TCFL5: variants seen among roughly 807,000 people sequenced by gnomAD.
TCFL5 encodes transcription factor-like 5 protein.
A neutral mutation model predicts 44.3 loss-of-function variants in TCFL5; 9 were observed. The ratio of observed to expected loss-of-function variants is 0.20; its 90% CI spans 0.12 to 0.35. The LOEUF is 0.35. Among genes scored for constraint, TCFL5 ranks in the 10% least tolerant of loss-of-function variants. The pLI is 1.00. For synonymous variants in TCFL5, 319 were observed against 271.6 expected (o/e 1.17, Z -1.72); for missense variants, 603 against 613.4 (o/e 0.98, Z 0.18).
chr20:62,856,994 A>C (rs754628736), intron 4 of TCFL5, among the ~76,000 whole-genome samples: 1 of 152,154 alleles, frequency 6.6e-6, no homozygotes, highest in African/African-American at 2.4e-5. Context: ...GTCTCTAGCG[A>C]GCTTTCCTGG....
At chr20:62,847,078 G>A (rs1199383991) in intron 5 of TCFL5, among the ~76,000 whole-genome samples, 2 of 151,896 alleles carry the variant, frequency 1.3e-5, no homozygotes, top group African/African-American at 2.4e-5. Flanking sequence ...AGCTACTCAG[G>A]AGGCTGAGGC....
intron 4 of TCFL5, among the ~76,000 whole-genome samples, 162 bp downstream of exon 4, chr20:62,857,233 T>C (rs1010194428): frequency 1.3e-5 from 2 of 152,176 alleles, no homozygotes; most frequent in Non-Finnish European, 2.9e-5. Context: ...AGCCTGGGCA[T>C]AGTCTGGGGG....
intron 3 of TCFL5, 57 bp downstream of exon 3, chr20:62,859,307 T>C (rs1600860317): frequency 6.4e-7 from 1 of 1,559,810 alleles, no homozygotes; most frequent in Non-Finnish European, 8.7e-7. Flanking sequence ...CAAAATGCCA[T>C]CAGCCACAGG....
At chr20:62,845,244 C>A in intron 5 of TCFL5, 3 of 803,252 alleles carry the variant, frequency 3.7e-6, no homozygotes, top group Non-Finnish European at 4.6e-6. Flanking sequence ...ACCTCAGCCT[C>A]CTGAGTAGCT....
chr20:62,859,922 T>G (rs373306484), intron 2 of TCFL5, among the ~76,000 whole-genome samples: 98 of 152,198 alleles, frequency 6.4e-4, no homozygotes, highest in African/African-American at 2.3e-3. Flanking sequence ...TTGGCCAGGC[T>G]AGTCTTGAAC....
intron 4 of TCFL5, 127 bp downstream of exon 4, chr20:62,857,268 A>G (rs1018352785): frequency 8.6e-5 from 115 of 1,344,120 alleles, no homozygotes; most frequent in Non-Finnish European, 1.1e-4. Flanking sequence ...TGGGAAAGCT[A>G]ACGATGCTCC....
intron 5 of TCFL5, chr20:62,851,858 G>A: frequency 2.0e-6 from 2 of 977,194 alleles, no homozygotes; most frequent in African/African-American, 3.5e-5. Flanking sequence ...CACCCAGGCT[G>A]CAGTGCAGTG....
intron 3 of TCFL5, among the ~76,000 whole-genome samples, chr20:62,858,000 AAAC>A (rs565651105): frequency 4.1e-4 from 62 of 152,144 alleles, no homozygotes; most frequent in South Asian, 1.0e-3. Context: ...GGAAAAAAAA[AAAC>A]AACAACAACA....
chr20:62,853,576 C>G (rs1437596081), intron 5 of TCFL5, among the ~76,000 whole-genome samples: 2 of 152,184 alleles, frequency 1.3e-5, no homozygotes, highest in African/African-American at 4.8e-5. Flanking sequence ...GTCTCAAACT[C>G]CTGGGCTCAA....
chr20:62,857,362 T>C (rs774251441), intron 4 of TCFL5, 33 bp downstream of exon 4: 10 of 1,610,254 alleles, frequency 6.2e-6, no homozygotes, highest in Admixed American at 1.7e-5. Context: ...TAATCATATA[T>C]GAGTCAGCCT....
intron 3 of TCFL5, 109 bp from the exon 4 acceptor site, chr20:62,857,747 C>G (rs2063917340): frequency 7.4e-7 from 1 of 1,350,722 alleles, no homozygotes; most frequent in South Asian, 1.4e-5. Flanking sequence ...ATTGGGTAAG[C>G]AGCACAGAGA....
intron 4 of TCFL5, among the ~76,000 whole-genome samples, chr20:62,856,970 G>A (rs749962198): frequency 1.3e-5 from 2 of 152,180 alleles, no homozygotes; most frequent in African/African-American, 2.4e-5. Flanking sequence ...CAGTGCCTAC[G>A]TGACACGCCC....
In TCFL5 at chr20:62,842,330, C is replaced by T. The variant is rs1199849758; in HGVS notation, c.1381-233G>A. ...CACTGTACATGTACTTTTGTTTTTC[C>T]AATACTCAGAATGTCTGGCCACACT... is the stretch of plus-strand genomic sequence containing the variant. On this transcript the variant is annotated intron_variant, in intron 5 of 5. Transcript: ENST00000335351. This position sits in a 1 kb window ranked among gnomAD's most constrained non-coding sequence, Gnocchi z 4.3. 6.6e-6 allele frequency among the ~76,000 whole-genome samples: 1 copy of T among 151,492 alleles called. No individual in the cohort carries two copies. The highest frequency in any genetic ancestry group is 1.5e-5 in the Non-Finnish European group (1 of 67,960).
intron 5 of TCFL5, chr20:62,851,404 T>C (rs971773339): frequency 1.0e-5 from 6 of 582,056 alleles, no homozygotes; most frequent in African/African-American, 4.1e-5. Flanking sequence ...ATTTTTTAAT[T>C]TCAAAAATTA....
intron 5 of TCFL5, among the ~76,000 whole-genome samples, chr20:62,849,331 G>A (rs138728670): frequency 6.0e-4 from 91 of 152,252 alleles, no homozygotes; most frequent in Middle Eastern, 6.8e-3. Flanking sequence ...CAATTTTTCT[G>A]TAAGTTTGAA....
chr20:62,845,721 G>A, intron 5 of TCFL5: 1 of 1,606,700 alleles, frequency 6.2e-7, no homozygotes, highest in South Asian at 1.1e-5. Context: ...CGAGGACTCG[G>A]AGACATATTT....
intron 5 of TCFL5, chr20:62,845,304 T>C (rs1334977230): frequency 3.0e-5 from 25 of 842,344 alleles, no homozygotes; most frequent in Non-Finnish European, 3.5e-5. Flanking sequence ...GTATTTTTAG[T>C]AGAGACGGGG....
chr20:62,854,897 C>A (rs2063864267), intron 4 of TCFL5, among the ~76,000 whole-genome samples: 1 of 152,180 alleles, frequency 6.6e-6, no homozygotes, highest in South Asian at 2.1e-4. Flanking sequence ...TTACTAGGTG[C>A]TTTTGGACTT....
intron 3 of TCFL5, among the ~76,000 whole-genome samples, chr20:62,858,689 GGCT>G (rs1568793999): frequency 1.6e-4 from 22 of 134,260 alleles, no homozygotes; most frequent in East Asian, 2.2e-4. Context: ...GGGAGGAAGG[GGCT>G]ACGCAGGTGT....
Sources: allele counts gnomAD v4.1 joint callset (sites outside exome capture counted in the v4.1 genomes callset), GRCh38; gene constraint gnomAD v4.1.1; non-coding constraint Gnocchi (gnomAD v3.1); transcripts MANE v1.5; gene names NCBI Gene and HGNC (gene_info 2026-07-23, HGNC 2026-07-21).